The following DNAH17 variants were observed in gnomAD, a reference collection of about 807,000 sequenced individuals.
DNAH17 encodes the protein dynein axonemal heavy chain 17, also known as axonemal beta dynein heavy chain 17.
DNAH17 carries 376 observed loss-of-function variants against 485.6 expected under a neutral mutation model. That is an observed-to-expected ratio of 0.77 (90% CI 0.71 to 0.84). DNAH17 has a LOEUF of 0.84. DNAH17 is among the 40% of genes least tolerant of loss of function. The probability of loss-of-function intolerance (pLI) is 0.00; values close to 1 mark genes in which losing one functional copy is unlikely to be tolerated. For synonymous variants in DNAH17, 3,031 were observed against 2,405.9 expected (o/e 1.26, Z -7.60); for missense variants, 6,370 against 5,839.3 (o/e 1.09, Z -2.96).
intron 16 of DNAH17, among the ~76,000 whole-genome samples, chr17:78,544,787 C>T (rs1044814735): frequency 1.6e-4 from 13 of 79,502 alleles, no homozygotes; most frequent in African/African-American, 3.0e-4. Flanking sequence ...GGGCACAGAG[C>T]GAGACTCAGT....
chr17:78,491,432 G>A lies in DNAH17; in HGVS notation c.6669+11C>T, dbSNP rs1172708357. On this transcript the variant is annotated intron_variant, in intron 43 of 80. Transcript: ENST00000389840. ...GGTGGCCTTGGGGCTTAGAGTCCAGGGCCCGCGAACCTTGTTGTCATCCAT... is the reference window on the plus strand; with the variant it reads ...GGTGGCCTTGGGGCTTAGAGTCCAGAGCCCGCGAACCTTGTTGTCATCCAT... 7 of 1,611,390 alleles carry A rather than the reference G, an allele frequency of 4.3e-6. No individual in the cohort carries two copies. The South Asian group carries it at 7.7e-5, about 18-fold the overall frequency.
At chr17:78,477,632 C>T (rs2146603762) in intron 51 of DNAH17, among the ~76,000 whole-genome samples, 1 of 152,272 alleles carries the variant, frequency 6.6e-6, no homozygotes, top group Admixed American at 6.5e-5. Context: ...CCGCCTTGGC[C>T]TCCCAAAGTG....
chr17:78,502,108 CGAGA>C, intron 33 of DNAH17: 1 of 549,178 alleles, frequency 1.8e-6, no homozygotes, highest in Non-Finnish European at 3.2e-6. Context: ...TTCAAGGCCA[CGAGA>C]GAGGGTGGAT....
Position 78,475,907 on chromosome 17 carries a change from A to G in DNAH17, c.8155-74T>C, listed in dbSNP as rs184941883. ...CCACACAGATAGTTAACAGCAATTC[A>G]GTACTTTGCCAAGGTGGCCTAGGAG... On this transcript the variant is annotated intron_variant, in intron 52 of 80. Transcript: ENST00000389840. 1.1e-4 allele frequency: 171 copies of G among 1,525,300 alleles called. No individual in the cohort carries two copies. The East Asian group carries it at 3.6e-3, about 33-fold the overall frequency. The allele number at this position is 1,525,300 out of a possible 1,614,324, so 94.5% of individuals were successfully genotyped here. A position where few individuals can be genotyped will look rare whatever the true frequency, so the allele number is the denominator to read the frequency against.
intron 51 of DNAH17, among the ~76,000 whole-genome samples, chr17:78,478,726 C>A (rs1316414015): frequency 6.7e-6 from 1 of 149,888 alleles, no homozygotes; most frequent in Non-Finnish European, 1.5e-5. Flanking sequence ...CTATTGCCAT[C>A]ATCACCACCA....
At position 78,455,650 on chromosome 17, in the gene DNAH17, G is replaced by C. The variant is rs1245491568; in HGVS notation, c.10164C>G (p.Asn3388Lys). ...CCAGGACTCCACTCCTTACCTTTAA[G>C]TTATGTATGTAAGGGATCCAGAATT... ...MEKFWIPYIH[N>K]LKVPIPITNG... is the part of the protein sequence containing the mutation. Residue 3388 changes from asparagine to lysine, a missense_variant, in exon 63 of 81, where the codon AAC (asparagine) becomes AAG (lysine). By Grantham distance (94) the Asn-to-Lys change is moderately conservative (BLOSUM62 0). Coordinates refer to ENST00000389840, the MANE Select transcript of DNAH17 (RefSeq NM_173628.4). The C allele has an allele frequency of 6.5e-7, 1 of 1,549,554 alleles. No homozygotes were observed. Among genetic ancestry groups the C allele is most frequent in the Non-Finnish European group, 8.7e-7 (1 of 1,146,120 alleles).
intron 26 of DNAH17, among the ~76,000 whole-genome samples, chr17:78,511,087 G>GC (rs2090625333): frequency 6.6e-6 from 1 of 152,022 alleles, no homozygotes; most frequent in African/African-American, 2.4e-5. Context: ...CAGAGTCCTG[G>GC]CCTCCAGCAC....
At chr17:78,500,218 T>C (rs554901185) in intron 36 of DNAH17, 87 bp downstream of exon 36, 2 of 1,413,382 alleles carry the variant, frequency 1.4e-6, no homozygotes, top group East Asian at 2.5e-5. Context: ...ATCTGGAGTT[T>C]ACTGTGGGGC....
chr17:78,535,541 C>T (rs935966130), intron 19 of DNAH17, among the ~76,000 whole-genome samples: 9 of 152,220 alleles, frequency 5.9e-5, no homozygotes, highest in African/African-American at 1.4e-4. Context: ...CGTACACACA[C>T]GAGCACACGC....
At chr17:78,526,624 C>T (rs770799260) in intron 24 of DNAH17, 27 bp downstream of exon 24, 65 of 1,562,608 alleles carry the variant, frequency 4.2e-5, no homozygotes, top group Non-Finnish European at 5.2e-5. Flanking sequence ...AGACTTACCC[C>T]CTGATCTCAC....
chr17:78,528,555 G>A (rs1485745669), intron 22 of DNAH17, among the ~76,000 whole-genome samples: 2 of 152,140 alleles, frequency 1.3e-5, no homozygotes, highest in African/African-American at 2.4e-5. Flanking sequence ...GGTGGGCCCT[G>A]TCTGTGGCTG....
intron 18 of DNAH17, among the ~76,000 whole-genome samples, chr17:78,538,752 A>G (rs1287350920): frequency 6.6e-6 from 1 of 152,090 alleles, no homozygotes; most frequent in Non-Finnish European, 1.5e-5. Flanking sequence ...CGTCAACTGA[A>G]TTTTGGGTCT....
At chr17:78,449,684 T>A (rs1328017111) in intron 68 of DNAH17, 100 bp from the exon 69 acceptor site, 2 of 1,269,776 alleles carry the variant, frequency 1.6e-6, no homozygotes, top group African/African-American at 3.0e-5. Context: ...CTCCAGTTTG[T>A]TTTGTTTCTT....
rs117001615 is a variant in DNAH17, at chr17:78,531,844, T to C, written c.3114+638A>G. ...AAGTGGGGAATTGAATCCATTTACA[T>C]TTGAGGTTATTACACTGACAGGTGT... On this transcript the variant is annotated intron_variant, in intron 20 of 80. Coordinates refer to ENST00000389840, the MANE Select transcript of DNAH17 (RefSeq NM_173628.4). Among the ~76,000 whole-genome samples, 1,079 of 152,320 alleles carry C rather than the reference T, an allele frequency of 7.1e-3. 9 individuals are homozygous for C. The highest frequency in any genetic ancestry group is 0.011 in the Non-Finnish European group (753 of 68,020).
Position 78,571,749 on chromosome 17 carries a change from G to A in DNAH17, c.573C>T (p.His191=), listed in dbSNP as rs371360205. Residue 191 remains histidine (H), a synonymous_variant, in exon 4 of 81, where the codon CAC becomes CAT. Transcript: ENST00000389840. ...AGTCGATGATGGTGGTTTCAATGGCGTGCAGGAGCAAGTTGTCCAGTGAAG... is the reference window on the plus strand; with the variant it reads ...AGTCGATGATGGTGGTTTCAATGGCATGCAGGAGCAAGTTGTCCAGTGAAG... The part of the protein sequence containing the change: ...IPSSLDNLLL[H]AIETTIIDWS... 3.2e-5 allele frequency: 51 copies of A among 1,606,162 alleles called. No individual in the cohort carries two copies. Among genetic ancestry groups the A allele is most frequent in the African/African-American group, 3.1e-4 (23 of 74,940 alleles).
At chr17:78,543,835 A>C in intron 17 of DNAH17, 22 bp downstream of exon 17, 1 of 1,613,910 alleles carries the variant, frequency 6.2e-7, no homozygotes, top group Non-Finnish European at 8.5e-7. Flanking sequence ...GTTCTCAAAA[A>C]ACCTCCTGGG....
chr17:78,430,738 A>G (rs1406627740), intron 75 of DNAH17, among the ~76,000 whole-genome samples: 1 of 151,824 alleles, frequency 6.6e-6, no homozygotes. Flanking sequence ...ACACCACCAT[A>G]GCCAGCTAAT....
rs2146706083 is a variant in DNAH17 at position 78,498,987 on chromosome 17, G to A, written c.5745+21C>T. On this transcript the variant is annotated intron_variant, in intron 37 of 80. Transcript: ENST00000389840. ...GCCAGTCACCCGACGTGACCCCGAG[G>A]CCGCAGGCAGGGGACTTTACCTGCA... The A allele has an allele frequency of 4.4e-6, 7 of 1,580,586 alleles. No individual in the cohort carries two copies. The East Asian group carries it at 6.9e-5, about 15-fold the overall frequency.
rs1269123746 is a variant in DNAH17, at chr17:78,500,477, G to A, written c.5484-16C>T. 2 of 1,552,402 alleles carry A rather than the reference G, an allele frequency of 1.3e-6. No individual in the cohort carries two copies. Among genetic ancestry groups the A allele is most frequent in the South Asian group, 1.2e-5 (1 of 83,010 alleles). ...GATATAGCACCTGCAAGTGACCACA[G>A]GTAAGCGTGTGTGCCAGCGACCCCA... is the stretch of plus-strand genomic sequence containing the variant. On this transcript the variant is annotated splice_polypyrimidine_tract_variant and intron_variant, in intron 35 of 80. Transcript: ENST00000389840.
Sources: gnomAD v4.1 joint callset for allele counts (sites outside exome capture counted in the v4.1 genomes callset) on GRCh38, gnomAD v4.1.1 for gene constraint, MANE v1.5 for transcripts, NCBI Gene and HGNC (gene_info 2026-07-23, HGNC 2026-07-21) for gene names.